MYEF2: variants seen among roughly 807,000 people sequenced by gnomAD.
MYEF2 encodes myelin expression factor 2, also known as myelin gene expression factor 2.
Under a neutral mutation model 75.2 loss-of-function variants are expected in MYEF2, and 37 were observed. The observed-to-expected ratio is 0.49, with a 90% CI of 0.38 to 0.65. The LOEUF is 0.65. Among genes scored for constraint, MYEF2 ranks in the 30% least tolerant of loss-of-function variants. MYEF2 has a pLI of 0.00. For missense variants in MYEF2, 634 were observed against 771.4 expected (o/e 0.82, Z 2.11); for synonymous variants, 195 against 241.6 (o/e 0.81, Z 1.79).
intron 5 of MYEF2, among the ~76,000 whole-genome samples, chr15:48,163,515 G>A (rs2040026462): frequency 6.6e-6 from 1 of 152,200 alleles, no homozygotes; most frequent in African/African-American, 2.4e-5. Flanking sequence ...AGAAGCTACA[G>A]AAAGTTATCC....
At position 48,159,708 on chromosome 15, in the gene MYEF2, A is replaced by T. The variant is rs761003944; in HGVS notation, c.622T>A (p.Leu208Ile). 2 of 1,613,674 alleles carry T rather than the reference A, an allele frequency of 1.2e-6. No individual in the cohort carries two copies. Among genetic ancestry groups the T allele is most frequent in the South Asian group, 2.2e-5 (2 of 91,064 alleles). The change falls in exon 6 of 17, where the codon TTA becomes ATA. Residue 208 changes from leucine to isoleucine, a missense_variant. Transcript: ENST00000324324. ...GGATTATTGAGTATGGAAGGTGGTAAATTCATCAACCCTGATCCCATATCA... is the reference window on the plus strand; with the variant it reads ...GGATTATTGAGTATGGAAGGTGGTATATTCATCAACCCTGATCCCATATCA... ...VPDMGSGLMN[L>I]PPSILNNPNI...
chr15:48,163,274 C>G (rs1023561723), intron 5 of MYEF2, among the ~76,000 whole-genome samples: 1 of 152,204 alleles, frequency 6.6e-6, no homozygotes, highest in Non-Finnish European at 1.5e-5. Context: ...GTGCTTATAA[C>G]ATTTCAGTGG....
chr15:48,143,211 T>C (rs986171394), intron 16 of MYEF2, 140 bp from the exon 17 acceptor site: 2 of 455,010 alleles, frequency 4.4e-6, no homozygotes, highest in Non-Finnish European at 7.1e-6. Flanking sequence ...AATATAAGCA[T>C]TATATTTGGA....
At chr15:48,146,829 C>A (rs2039301570) in intron 16 of MYEF2, among the ~76,000 whole-genome samples, 2 of 151,906 alleles carry the variant, frequency 1.3e-5, no homozygotes, top group Non-Finnish European at 2.9e-5. Context: ...AGTGACATGG[C>A]AGAAAAATGG....
chr15:48,157,854 C>T, intron 9 of MYEF2, 139 bp downstream of exon 9: 1 of 1,430,950 alleles, frequency 7.0e-7, no homozygotes, highest in Non-Finnish European at 9.2e-7. Flanking sequence ...ATCAATAGCG[C>T]CAAACTATCT....
chr15:48,176,056 T>C (rs1320858773), intron 1 of MYEF2, among the ~76,000 whole-genome samples: 1 of 152,044 alleles, frequency 6.6e-6, no homozygotes, highest in African/African-American at 2.4e-5. Context: ...TCAATCCTGA[T>C]GACAAGCAGT....
At position 48,158,938 on chromosome 15, in the gene MYEF2, T is replaced by C. The variant is rs1316034557; in HGVS notation, c.718-16A>G. The C allele has an allele frequency of 7.5e-6, 12 of 1,610,430 alleles. No individual in the cohort carries two copies. Among genetic ancestry groups the C allele is most frequent in the Non-Finnish European group, 1.0e-5 (12 of 1,177,738 alleles). On this transcript the variant is annotated splice_polypyrimidine_tract_variant and intron_variant, in intron 6 of 16. Transcript: ENST00000324324. Reference sequence around the variant, plus strand: ...TGAAGTCAAGCTTAATATAAAATTGTATAAAGTTACATACCTAATAAATCC... The same window carrying C: ...TGAAGTCAAGCTTAATATAAAATTGCATAAAGTTACATACCTAATAAATCC...
intron 11 of MYEF2, 88 bp downstream of exon 11, chr15:48,152,146 A>T: frequency 1.5e-6 from 2 of 1,352,696 alleles, no homozygotes; most frequent in Non-Finnish European, 2.1e-6. Flanking sequence ...ATAAACCATG[A>T]CTTTTTTTTC....
chr15:48,174,664 C>G (rs1279271521), intron 1 of MYEF2, among the ~76,000 whole-genome samples: 1 of 152,058 alleles, frequency 6.6e-6, no homozygotes, highest in African/African-American at 2.4e-5. Flanking sequence ...AGAAGACATA[C>G]CAACGGCCAA....
At position 48,136,196 on chromosome 15, in the gene MYEF2, C is replaced by T. The variant is rs2038894037; in HGVS notation, c.*6712G>A. ...AACTGAAAAATCCCAGCCTAAGCCT[C>T]CCATATCTGAGTAATATTTTACACA... On this transcript the variant is annotated 3_prime_UTR_variant, in exon 17 of 17. Coordinates refer to ENST00000324324, the MANE Select transcript of MYEF2 (RefSeq NM_016132.5). 6.6e-6 allele frequency: 1 copy of T among 152,128 alleles called. No homozygotes were observed. The allele number at this position is 152,128 out of a possible 1,614,324, so 9.4% of individuals were successfully genotyped here. A position where few individuals can be genotyped will look rare whatever the true frequency, so the allele number is the denominator to read the frequency against.
At chr15:48,151,342 TAA>T (rs1224018386) in intron 13 of MYEF2, 129 bp downstream of exon 13, 17 of 1,045,754 alleles carry the variant, frequency 1.6e-5, no homozygotes, top group Non-Finnish European at 2.5e-5. Context: ...TTAAAATCCT[TAA>T]AGTGTTTTCT....
rs901537420 is a variant in MYEF2 at position 48,136,002 on chromosome 15, A to C, written c.*6906T>G. 1.3e-5 allele frequency: 2 copies of C among 152,174 alleles called. No individual in the cohort carries two copies. Among genetic ancestry groups the C allele is most frequent in the Admixed American group, 1.3e-4 (2 of 15,258 alleles). 9.4% of individuals were successfully genotyped at this position (152,174 alleles called of 1,614,324 possible). A position where few individuals can be genotyped will look rare whatever the true frequency, so the allele number is the denominator to read the frequency against. On this transcript the variant is annotated 3_prime_UTR_variant, in exon 17 of 17. Transcript: ENST00000324324. Reference sequence around the variant, plus strand: ...CAGCAGACAGAGATTCACTGGCTATAAAAGGTAAATGCAAGGTTCAAATGT... The same window carrying C: ...CAGCAGACAGAGATTCACTGGCTATCAAAGGTAAATGCAAGGTTCAAATGT...
chr15:48,144,140 A>T (rs1480990569), intron 16 of MYEF2, among the ~76,000 whole-genome samples: 6 of 152,052 alleles, frequency 3.9e-5, no homozygotes, highest in African/African-American at 1.4e-4. Flanking sequence ...ACCAAATCAG[A>T]CAGCCAGACA....
At chr15:48,145,190 T>C (rs2140803646) in intron 16 of MYEF2, among the ~76,000 whole-genome samples, 1 of 151,942 alleles carries the variant, frequency 6.6e-6, no homozygotes, top group African/African-American at 2.4e-5. Context: ...CAGTAGCCCA[T>C]AAATATTTGT....
intron 5 of MYEF2, chr15:48,162,937 C>A (rs1202171121): frequency 6.6e-6 from 1 of 152,152 alleles, no homozygotes; most frequent in Non-Finnish European, 1.5e-5. Context: ...CAGTTAATAA[C>A]CCTAAAATGG....
chr15:48,158,913 T>C lies in MYEF2; in HGVS notation c.727A>G (p.Lys243Glu), dbSNP rs745482742. 1 of 1,613,244 alleles carries C rather than the reference T, an allele frequency of 6.2e-7. No homozygotes were observed. The highest frequency in any genetic ancestry group is 2.2e-5 in the East Asian group (1 of 44,850). ...TCCTTTAGCTTCTTCCAACCAACTT[T>C]GAAGTCAAGCTTAATATAAAATTGT... is the stretch of plus-strand genomic sequence containing the variant. ...STIFVANLDFKVGWKKLKEVF... is the reference protein window; with the variant it reads ...STIFVANLDFEVGWKKLKEVF... The change falls in exon 7 of 17, where the codon AAA becomes GAA. Residue 243 changes from lysine to glutamate, a missense_variant. Coordinates refer to ENST00000324324, the MANE Select transcript of MYEF2 (RefSeq NM_016132.5).
At position 48,141,243 on chromosome 15, in the gene MYEF2, G is replaced by C. The variant is rs761577296; in HGVS notation, c.*1665C>G. On this transcript the variant is annotated 3_prime_UTR_variant, in exon 17 of 17. Transcript: ENST00000324324. The stretch of plus-strand genomic sequence containing the variant: ...AGAACTAGGTCCCTCAAGCTGCAAT[G>C]GTCATTCTACAAGGCTAGAATGAGT... 1 of 1,515,130 alleles carries C rather than the reference G, an allele frequency of 6.6e-7. No homozygotes were observed. Among genetic ancestry groups the C allele is most frequent in the African/African-American group, 1.4e-5 (1 of 72,894 alleles). The allele number at this position is 1,515,130 out of a possible 1,614,324, so 93.9% of individuals were successfully genotyped here.
rs376763978 is a variant in MYEF2, at chr15:48,166,105, A to C, written c.431+16T>G. The C allele has an allele frequency of 8.9e-6, 14 of 1,579,776 alleles. No homozygotes were observed. In the Admixed American group the frequency reaches 2.4e-4, roughly 27 times the overall value. ...GTTTAATTTGACTTAAGATACTTAAAGAAAAAATTTCTTACCCACAACCCT... is the reference window on the plus strand; with the variant it reads ...GTTTAATTTGACTTAAGATACTTAACGAAAAAATTTCTTACCCACAACCCT... On this transcript the variant is annotated intron_variant, in intron 4 of 16. Coordinates refer to ENST00000324324, the MANE Select transcript of MYEF2 (RefSeq NM_016132.5).
chr15:48,148,054 G>C (rs2039355258), intron 16 of MYEF2, among the ~76,000 whole-genome samples: 1 of 151,900 alleles, frequency 6.6e-6, no homozygotes, highest in South Asian at 2.1e-4. Context: ...AGCTACAAAA[G>C]AGTTAGATAT....
Sources: allele counts gnomAD v4.1 joint callset (sites outside exome capture counted in the v4.1 genomes callset), GRCh38; gene constraint gnomAD v4.1.1; transcripts MANE v1.5; gene names NCBI Gene and HGNC (gene_info 2026-07-23, HGNC 2026-07-21).